Variants in TMED3 observed in about 807,000 individuals in gnomAD.
TMED3 encodes transmembrane emp24 domain-containing protein 3.
Under a neutral mutation model 15.0 loss-of-function variants are expected in TMED3, and 9 were observed. The ratio of observed to expected loss-of-function variants is 0.60; its 90% CI spans 0.36 to 1.04. TMED3 has a LOEUF of 1.04. Ranked by LOEUF, TMED3 falls within the 50% of genes least tolerant of loss-of-function variation. The probability of loss-of-function intolerance (pLI) is 0.01; values close to 1 mark genes in which losing one functional copy is unlikely to be tolerated. For missense variants in TMED3, 267 were observed against 278.9 expected, an observed-to-expected ratio of 0.96 and a Z score of 0.30; for synonymous variants, 117 against 121.4, an observed-to-expected ratio of 0.96 and a Z score of 0.24.
intron 2 of TMED3, among the ~76,000 whole-genome samples, chr15:79,393,037 G>A (rs1893716510): frequency 6.6e-6 from 1 of 152,240 alleles, no homozygotes; most frequent in African/African-American, 2.4e-5. Context: ...TAGCAAAAGA[G>A]CTAGACTTAG....
intron 2 of TMED3, among the ~76,000 whole-genome samples, chr15:79,407,280 G>C (rs1278900225): frequency 6.6e-6 from 1 of 152,202 alleles, no homozygotes; most frequent in Non-Finnish European, 1.5e-5. Flanking sequence ...CGAGTCAGGG[G>C]AGAGTGCCTC....
At chr15:79,378,339 A>C (rs1893465090) in intron 2 of TMED3, among the ~76,000 whole-genome samples, 1 of 152,232 alleles carries the variant, frequency 6.6e-6, no homozygotes, top group Admixed American at 6.5e-5. Context: ...ATGGAAGTTT[A>C]TCTCTGGCCC....
chr15:79,349,685 G>T lies in TMED3; in HGVS notation c.417+35680G>T, dbSNP rs78981596. ...TGTTCTGATCCTTTTCTGCCTCATT[G>T]TCTCCTCCCAGCTCCCCAGCTGCCT... On this transcript the variant is annotated intron_variant, in intron 2 of 2. Coordinates refer to the TMED3 transcript ENST00000424155. Among the ~76,000 whole-genome samples, 1,127 of 152,176 alleles carry T rather than the reference G, an allele frequency of 7.4e-3. 7 individuals are homozygous for T. The highest frequency in any genetic ancestry group is 0.014 in the Middle Eastern group (4 of 294).
At chr15:79,366,187 A>G (rs1398487099) in intron 2 of TMED3, among the ~76,000 whole-genome samples, 1 of 152,192 alleles carries the variant, frequency 6.6e-6, no homozygotes, top group Non-Finnish European at 1.5e-5. Flanking sequence ...TGATGGAAGA[A>G]TGCAAGTTAC....
chr15:79,317,201 C>G (rs2058744212), intron 2 of TMED3, among the ~76,000 whole-genome samples: 1 of 152,204 alleles, frequency 6.6e-6, no homozygotes, highest in African/African-American at 2.4e-5. Flanking sequence ...GGCCACGAGG[C>G]CTCTTCATGC....
At chr15:79,400,087 G>A (rs953642769) in intron 2 of TMED3, among the ~76,000 whole-genome samples, 2 of 152,160 alleles carry the variant, frequency 1.3e-5, no homozygotes, top group Non-Finnish European at 2.9e-5. Context: ...CTTTCTCACT[G>A]AGGTCTAGCT....
At chr15:79,404,068 C>G (rs1195275442) in intron 2 of TMED3, among the ~76,000 whole-genome samples, 2 of 152,150 alleles carry the variant, frequency 1.3e-5, no homozygotes, top group Non-Finnish European at 2.9e-5. Context: ...GTTACATATT[C>G]ACACACCTTC....
chr15:79,319,767 C>T (rs759311029), intron 2 of TMED3, among the ~76,000 whole-genome samples: 1 of 152,118 alleles, frequency 6.6e-6, no homozygotes, highest in Non-Finnish European at 1.5e-5. Flanking sequence ...GGACAGGGGG[C>T]CCTTCCCTGC....
intron 2 of TMED3, among the ~76,000 whole-genome samples, chr15:79,403,050 C>G (rs932796491): frequency 6.6e-6 from 1 of 150,800 alleles, no homozygotes; most frequent in Admixed American, 6.6e-5. Context: ...GAAACCCTGT[C>G]TCTATTCAAA....
chr15:79,311,303 G>T lies in TMED3; in HGVS notation c.54G>T (p.Leu18=). Reference sequence around the variant, plus strand: ...CCGTGCTGCTTCTGCTGCTGCTCCTGCGCCGGGCCGAGCAGCCCTGCGGGG... The same window carrying T: ...CCGTGCTGCTTCTGCTGCTGCTCCTTCGCCGGGCCGAGCAGCCCTGCGGGG... ...SASVLLLLLL[L]RRAEQPCGAE... The change falls in exon 1 of 3, where the codon CTG becomes CTT. Residue 18 remains leucine (L), a synonymous_variant. Coordinates refer to ENST00000299705, the MANE Select transcript of TMED3 (RefSeq NM_007364.4). 1.9e-6 allele frequency: 3 copies of T among 1,607,716 alleles called. No individual in the cohort carries two copies. Among genetic ancestry groups the T allele is most frequent in the Non-Finnish European group, 2.5e-6 (3 of 1,177,906 alleles).
Position 79,349,460 on chromosome 15 carries a change from A to G in TMED3, c.417+35455A>G, listed in dbSNP as rs538626058. ...GTGGGTGGAGATTTACATCTCATTC[A>G]TGTCCCTCTTTTTCTTGTGAATTTT... is the stretch of plus-strand genomic sequence containing the variant. On this transcript the variant is annotated intron_variant, in intron 2 of 2. Transcript: ENST00000424155. 5.3e-5 allele frequency among the ~76,000 whole-genome samples: 8 copies of G among 152,194 alleles called. No homozygotes were observed. In the East Asian group the frequency reaches 9.6e-4, roughly 18 times the overall value.
At chr15:79,346,403 A>G (rs1295091539) in intron 2 of TMED3, among the ~76,000 whole-genome samples, 3 of 152,170 alleles carry the variant, frequency 2.0e-5, no homozygotes, top group Admixed American at 6.5e-5. Flanking sequence ...TCCTGTTCTC[A>G]TGATAGTGAA....
chr15:79,410,505 A>G (rs560880078), intron 2 of TMED3, among the ~76,000 whole-genome samples: 3 of 152,190 alleles, frequency 2.0e-5, no homozygotes, highest in Admixed American at 6.5e-5. Flanking sequence ...GCCAGACAGG[A>G]TGTTCACTGC....
At chr15:79,364,136 G>A (rs1893183780) in intron 2 of TMED3, among the ~76,000 whole-genome samples, 1 of 152,166 alleles carries the variant, frequency 6.6e-6, no homozygotes, top group African/African-American at 2.4e-5. Context: ...CTGAAAAGCA[G>A]GTTGCCGGTT....
intron 2 of TMED3, among the ~76,000 whole-genome samples, chr15:79,332,362 G>A (rs2058812486): frequency 6.6e-6 from 1 of 152,232 alleles, no homozygotes; most frequent in African/African-American, 2.4e-5. Flanking sequence ...CTCAGATGTG[G>A]TGATGCCTCG....
chr15:79,313,683 A>G (rs1188935930), intron 1 of TMED3, 74 bp from the exon 2 acceptor site: 35 of 1,535,800 alleles, frequency 2.3e-5, no homozygotes, highest in Non-Finnish European at 2.9e-5. Context: ...GTAGAGTCTG[A>G]TCACAGTGTC....
chr15:79,320,614 C>T (rs949976046), intron 2 of TMED3, among the ~76,000 whole-genome samples: 1 of 152,112 alleles, frequency 6.6e-6, no homozygotes, highest in African/African-American at 2.4e-5. Context: ...TTTGTGAATT[C>T]CTCTAGCCTG....
intron 1 of TMED3, among the ~76,000 whole-genome samples, chr15:79,312,641 A>G (rs1009307034): frequency 2.0e-5 from 3 of 152,110 alleles, no homozygotes; most frequent in African/African-American, 7.2e-5. Flanking sequence ...GCCATTGCCT[A>G]CCTGTGAGAT....
At chr15:79,313,073 T>C (rs984335217) in intron 1 of TMED3, among the ~76,000 whole-genome samples, 2 of 152,210 alleles carry the variant, frequency 1.3e-5, no homozygotes, top group Non-Finnish European at 2.9e-5. Flanking sequence ...TGATAACTTA[T>C]TGACTCCTCA....
Sources: allele counts gnomAD v4.1 joint callset (sites outside exome capture counted in the v4.1 genomes callset), GRCh38; gene constraint gnomAD v4.1.1; transcripts MANE v1.5; gene names NCBI Gene and HGNC (gene_info 2026-07-23, HGNC 2026-07-21).